The following RORA variants were observed in gnomAD, a reference collection of about 807,000 sequenced individuals.
RORA encodes the protein nuclear receptor ROR-alpha.
Under a neutral mutation model 69.5 loss-of-function variants are expected in RORA, and 7 were observed. The observed-to-expected ratio is 0.10, with a 90% CI of 0.06 to 0.19. RORA has a LOEUF of 0.19. Among genes scored for constraint, RORA ranks in the 10% least tolerant of loss-of-function variants. The pLI is 1.00. For missense variants in RORA, 457 were observed against 663.0 expected (o/e 0.69, Z 3.41); for synonymous variants, 261 against 240.8 (o/e 1.08, Z -0.78).
intron 3 of RORA, among the ~76,000 whole-genome samples, chr15:60,523,393 T>C (rs1257896369): frequency 6.6e-6 from 1 of 152,232 alleles, no homozygotes; most frequent in East Asian, 1.9e-4. Context: ...TTTGTCTATA[T>C]GAAATTTAAA....
At chr15:61,157,236 A>G (rs1272911010) in intron 1 of RORA, among the ~76,000 whole-genome samples, 2 of 152,204 alleles carry the variant, frequency 1.3e-5, no homozygotes, top group Non-Finnish European at 2.9e-5. Context: ...TCTTAGGGAA[A>G]TAAAAATAGC....
intron 1 of RORA, among the ~76,000 whole-genome samples, chr15:60,940,301 C>T (rs986838240): frequency 3.3e-5 from 5 of 152,092 alleles, no homozygotes; most frequent in South Asian, 4.2e-4. Flanking sequence ...ACAAACTGTA[C>T]GTCCATACGA....
chr15:61,151,563 A>G (rs369822935), intron 1 of RORA, among the ~76,000 whole-genome samples: 10 of 152,304 alleles, frequency 6.6e-5, no homozygotes, highest in Admixed American at 5.2e-4. Context: ...CCCATTATAA[A>G]TCATCTCATG....
intron 1 of RORA, among the ~76,000 whole-genome samples, chr15:60,734,470 T>C (rs1435140943): frequency 6.6e-6 from 1 of 152,242 alleles, no homozygotes; most frequent in Non-Finnish European, 1.5e-5. Context: ...ATATCAGTTT[T>C]GAGAGCTTGA....
chr15:60,567,419 T>A (rs141145078), intron 2 of RORA, among the ~76,000 whole-genome samples: 2,778 of 146,608 alleles, frequency 0.019, 42 homozygotes, highest in East Asian at 0.043. Flanking sequence ...TATTATTATT[T>A]TTTTTTTTCT....
chr15:61,202,560 A>G (rs1169345401), intron 1 of RORA, among the ~76,000 whole-genome samples: 1 of 152,102 alleles, frequency 6.6e-6, no homozygotes, highest in African/African-American at 2.4e-5. Flanking sequence ...ATACCCTAGG[A>G]GGGTAGGGCC....
intron 2 of RORA, among the ~76,000 whole-genome samples, chr15:60,673,841 A>G (rs2070511455): frequency 6.6e-6 from 1 of 152,218 alleles, no homozygotes; most frequent in South Asian, 2.1e-4. Flanking sequence ...CTCAATGAAT[A>G]GTTGTCCCTT....
intron 2 of RORA, among the ~76,000 whole-genome samples, chr15:60,656,122 A>C (rs1264753106): frequency 6.6e-6 from 1 of 152,216 alleles, no homozygotes; most frequent in Non-Finnish European, 1.5e-5. Flanking sequence ...CCCCCAAGTC[A>C]ACATCTGATT....
intron 1 of RORA, among the ~76,000 whole-genome samples, chr15:60,974,909 G>T (rs1893833314): frequency 6.6e-6 from 1 of 152,228 alleles, no homozygotes; most frequent in African/African-American, 2.4e-5. Context: ...TTGAAAAGAG[G>T]ATGGGGAAAG....
At chr15:61,148,113 G>A (rs544400964) in intron 1 of RORA, among the ~76,000 whole-genome samples, 1 of 152,316 alleles carries the variant, frequency 6.6e-6, no homozygotes, top group East Asian at 1.9e-4. Flanking sequence ...TGAGCCAAGG[G>A]ACTGGCAGTG....
chr15:60,699,764 T>C (rs1211500467), intron 1 of RORA, among the ~76,000 whole-genome samples: 1 of 152,236 alleles, frequency 6.6e-6, no homozygotes. Flanking sequence ...ATCTTTATTG[T>C]ATTTAGTTTT....
intron 1 of RORA, among the ~76,000 whole-genome samples, chr15:61,082,840 T>A (rs779013137): frequency 1.3e-5 from 2 of 152,210 alleles, no homozygotes; most frequent in Non-Finnish European, 2.9e-5. Context: ...AAAATACGAA[T>A]AATTGATTTG....
At chr15:60,975,111 G>T (rs538933726) in intron 1 of RORA, among the ~76,000 whole-genome samples, 1 of 152,252 alleles carries the variant, frequency 6.6e-6, no homozygotes, top group African/African-American at 2.4e-5. Context: ...TGAGGCACAC[G>T]TCTTAAAAAG....
At chr15:60,654,985 ATT>A (rs1351418850) in intron 2 of RORA, among the ~76,000 whole-genome samples, 3 of 152,256 alleles carry the variant, frequency 2.0e-5, no homozygotes, top group Non-Finnish European at 2.9e-5. Context: ...AGTTTGTGGT[ATT>A]TTGTTATAAA....
At chr15:60,623,307 G>T (rs1235554040) in intron 2 of RORA, among the ~76,000 whole-genome samples, 1 of 152,122 alleles carries the variant, frequency 6.6e-6, no homozygotes, top group Admixed American at 6.5e-5. Flanking sequence ...AAATTCTTTA[G>T]TAATGCCCAG....
At chr15:61,207,476 A>G (rs1036044006) in intron 1 of RORA, among the ~76,000 whole-genome samples, 5 of 152,240 alleles carry the variant, frequency 3.3e-5, no homozygotes, top group Admixed American at 2.6e-4. Flanking sequence ...GGAAGTGCAC[A>G]TCGTGGTTTC....
At position 60,904,848 on chromosome 15, in the gene RORA, G is replaced by T. The variant is rs916371447; in HGVS notation, c.167-226162C>A. ...GAGAAGAAACAATAAAGAAAAATAG[G>T]GGTGGTGTGGTTTGGGGTGGTCAAG... On this transcript the variant is annotated intron_variant, in intron 1 of 10. Transcript: ENST00000335670. Among the ~76,000 whole-genome samples the T allele has an allele frequency of 2.6e-5, 4 of 152,232 alleles. No individual in the cohort carries two copies. The East Asian group carries it at 5.8e-4, about 22-fold the overall frequency.
intron 1 of RORA, among the ~76,000 whole-genome samples, chr15:60,784,279 A>G (rs2072305466): frequency 6.6e-6 from 1 of 152,208 alleles, no homozygotes. Context: ...GCAGTAAAAT[A>G]TAGGGACCCT....
chr15:61,079,999 G>T (rs2078515298), intron 1 of RORA, among the ~76,000 whole-genome samples: 1 of 152,158 alleles, frequency 6.6e-6, no homozygotes, highest in Non-Finnish European at 1.5e-5. Context: ...TATATAAAGA[G>T]GCCAGCATGT....
Sources: gnomAD v4.1 joint callset for allele counts (sites outside exome capture counted in the v4.1 genomes callset) on GRCh38, gnomAD v4.1.1 for gene constraint, MANE v1.5 for transcripts, NCBI Gene and HGNC (gene_info 2026-07-23, HGNC 2026-07-21) for gene names.